ODF2: variants seen among roughly 807,000 people sequenced by gnomAD.
ODF2 encodes outer dense fiber of sperm tails 2.
ODF2 carries 47 observed loss-of-function variants against 110.2 expected under a neutral mutation model. That is an observed-to-expected ratio of 0.43 (90% CI 0.34 to 0.54). ODF2 has a LOEUF of 0.54. ODF2 is among the 20% of genes least tolerant of loss of function. The pLI is 0.03. For missense variants in ODF2, 812 were observed against 1,054.5 expected, an observed-to-expected ratio of 0.77 and a Z score of 3.19; for synonymous variants, 352 against 397.7, an observed-to-expected ratio of 0.89 and a Z score of 1.37.
In ODF2 at chr9:128,498,587, T is replaced by G; in HGVS notation, c.2175+12T>G. ...ATGCGAGGAGGCAGGTCAGTCCCGA[T>G]TTCATGAATGACTAGCTCTGTGACC... On this transcript the variant is annotated intron_variant, in intron 19 of 20. Transcript: ENST00000604420. The G allele has an allele frequency of 7.0e-7, 1 of 1,430,612 alleles. No individual in the cohort carries two copies. Among genetic ancestry groups the G allele is most frequent in the Non-Finnish European group, 9.7e-7 (1 of 1,034,274 alleles). The allele number at this position is 1,430,612 out of a possible 1,614,324, so 88.6% of individuals were successfully genotyped here.
chr9:128,488,130 A>T (rs1408078923), intron 14 of ODF2, 105 bp downstream of exon 14: 1 of 1,367,712 alleles, frequency 7.3e-7, no homozygotes, highest in Non-Finnish European at 1.0e-6. Flanking sequence ...AGAGGGAGTC[A>T]GAAAAGCCTG....
chr9:128,487,308 G>A (rs1447515967), intron 13 of ODF2, among the ~76,000 whole-genome samples: 1 of 152,134 alleles, frequency 6.6e-6, no homozygotes, highest in Non-Finnish European at 1.5e-5. Context: ...TGGAGGGGGA[G>A]GTATGGGAGA....
chr9:128,490,569 G>C (rs952851891), intron 14 of ODF2, among the ~76,000 whole-genome samples: 1 of 152,146 alleles, frequency 6.6e-6, no homozygotes, highest in Non-Finnish European at 1.5e-5. Context: ...ATAGGTGTGA[G>C]CCACCACGCC....
At chr9:128,465,327 T>C (rs919717528) in intron 4 of ODF2, among the ~76,000 whole-genome samples, 6 of 152,098 alleles carry the variant, frequency 3.9e-5, no homozygotes, top group Admixed American at 1.3e-4. Flanking sequence ...GAGGAAGATA[T>C]GGAAATGAAG....
intron 4 of ODF2, 151 bp from the exon 5 acceptor site, chr9:128,469,032 A>T (rs576783154): frequency 1.6e-6 from 1 of 631,452 alleles, no homozygotes; most frequent in South Asian, 2.1e-5. Flanking sequence ...GTAATGTTCC[A>T]TCACAAGGGT....
chr9:128,469,625 A>G (rs1270280299), intron 5 of ODF2, among the ~76,000 whole-genome samples: 1 of 152,202 alleles, frequency 6.6e-6, no homozygotes, highest in African/African-American at 2.4e-5. Flanking sequence ...ATGTGAAGCC[A>G]GTGGTGTTAC....
chr9:128,478,861 G>A (rs1418648299), intron 8 of ODF2, among the ~76,000 whole-genome samples: 5 of 152,100 alleles, frequency 3.3e-5, no homozygotes, highest in Non-Finnish European at 5.9e-5. Flanking sequence ...AGTCCGAGTC[G>A]GCTCCAGGGC....
chr9:128,456,188 A>G, exon 1 of ODF2: 1 of 1,549,302 alleles, frequency 6.5e-7, no homozygotes, highest in Non-Finnish European at 8.7e-7. Flanking sequence ...TCTCCATGGC[A>G]CGACCCTGGC....
chr9:128,481,647 A>G lies in ODF2; in HGVS notation c.911A>G (p.Lys304Arg), dbSNP rs1842416029. 1 of 1,613,456 alleles carries G rather than the reference A, an allele frequency of 6.2e-7. No homozygotes were observed. Among genetic ancestry groups the G allele is most frequent in the Admixed American group, 1.7e-5 (1 of 59,944 alleles). ...CGGCTGGCGGAGGCCGACTCAGAGA[A>G]AGCGGTAACTAAGGCTGCCCTTGTC... Residue 304 changes from lysine to arginine, a missense_variant, in exon 9 of 21, where the codon AAA (lysine) becomes AGA (arginine). Physicochemically the swap from Lys to Arg is conservative, Grantham distance 26. Around this residue, in one of 5 missense-constraint regions of ODF2, gnomAD observed 219 missense variants for 321.3 expected, o/e 0.68. Coordinates refer to ENST00000604420, the Ensembl canonical transcript of ODF2.
Position 128,459,480 on chromosome 9 carries a change from C to T in ODF2, c.33-87C>T, listed in dbSNP as rs1316838888. ...TCCTAGCCATGAACATGTTAGCTAC[C>T]GTAGTCAGTGTGTAATTTCATGAGA... On this transcript the variant is annotated intron_variant, in intron 2 of 20. Coordinates refer to ENST00000604420, the Ensembl canonical transcript of ODF2. 2.6e-5 allele frequency: 27 copies of T among 1,047,462 alleles called. 1 individual carries two copies. Among genetic ancestry groups the T allele is most frequent in the Middle Eastern group, 4.2e-4 (2 of 4,736 alleles). 64.9% of individuals were successfully genotyped at this position (1,047,462 alleles called of 1,614,324 possible). A position where few individuals can be genotyped will look rare whatever the true frequency, so the allele number is the denominator to read the frequency against.
intron 13 of ODF2, among the ~76,000 whole-genome samples, chr9:128,486,588 T>G (rs943843705): frequency 1.3e-5 from 2 of 152,218 alleles, no homozygotes; most frequent in African/African-American, 4.8e-5. Flanking sequence ...AGTAAGCACC[T>G]GTGAGCCCCA....
At chr9:128,479,960 C>T (rs999804643) in intron 8 of ODF2, among the ~76,000 whole-genome samples, 6 of 152,036 alleles carry the variant, frequency 3.9e-5, no homozygotes, top group Non-Finnish European at 7.4e-5. Flanking sequence ...CTGAATTTTA[C>T]GCTTAAAAAT....
chr9:128,457,520 C>G (rs897726545), intron 2 of ODF2: 2 of 1,463,570 alleles, frequency 1.4e-6, no homozygotes, highest in Non-Finnish European at 9.1e-7. Context: ...CCTGAGGCTT[C>G]CAGCTTCCTC....
Position 128,496,160 on chromosome 9 carries a change from C to T in ODF2, c.2012+19C>T, listed in dbSNP as rs375330569. 3 of 1,613,256 alleles carry T rather than the reference C, an allele frequency of 1.9e-6. No homozygotes were observed. Among genetic ancestry groups the T allele is most frequent in the African/African-American group, 1.3e-5 (1 of 74,890 alleles). On this transcript the variant is annotated intron_variant, in intron 18 of 20. Transcript: ENST00000604420. The stretch of plus-strand genomic sequence containing the variant: ...TGGAGAGGTTAGAGGCACTTGGTCC[C>T]ATCTCTGTCCTCTTCCTAGGACCTG...
chr9:128,500,100 C>A (rs372634541), exon 21 of ODF2: 4 of 1,614,278 alleles, frequency 2.5e-6, no homozygotes. Context: ...GCTGCAAGAC[C>A]TGAAAGATCG....
chr9:128,478,241 GTC>G (rs1408451024), intron 8 of ODF2, among the ~76,000 whole-genome samples: 1 of 152,154 alleles, frequency 6.6e-6, no homozygotes, highest in Non-Finnish European at 1.5e-5. Context: ...CAAGTGATCT[GTC>G]TGCCTCGGCT....
At chr9:128,459,807 A>C in intron 3 of ODF2, 150 bp downstream of exon 2, 1 of 616,840 alleles carries the variant, frequency 1.6e-6, no homozygotes, top group Non-Finnish European at 2.8e-6. Context: ...GCTGATTTTT[A>C]ATTATGATCA....
exon 14 of ODF2, chr9:128,487,906 G>C: frequency 6.2e-7 from 1 of 1,614,000 alleles, no homozygotes; most frequent in Non-Finnish European, 8.5e-7. Flanking sequence ...AACAGATCTT[G>C]TAAACCAACA....
intron 4 of ODF2, chr9:128,468,889 C>T (rs1019911121): frequency 3.4e-5 from 10 of 295,616 alleles, no homozygotes; most frequent in East Asian, 1.4e-4. Context: ...TTTGGCTTCC[C>T]GCCTCGGCCT....
Sources: allele counts gnomAD v4.1 joint callset (sites outside exome capture counted in the v4.1 genomes callset), GRCh38; gene constraint gnomAD v4.1.1; regional missense constraint gnomAD v4.1.1; transcripts MANE v1.5; gene names NCBI Gene and HGNC (gene_info 2026-07-23, HGNC 2026-07-21).